BCKDHB: variants seen among roughly 807,000 people sequenced by gnomAD.
BCKDHB encodes branched chain keto acid dehydrogenase E1 subunit beta.
A neutral mutation model predicts 48.5 loss-of-function variants in BCKDHB; 41 were observed. The ratio of observed to expected loss-of-function variants is 0.85; its 90% CI spans 0.66 to 1.10. BCKDHB has a LOEUF of 1.10. Among genes scored for constraint, BCKDHB ranks in the 50% least tolerant of loss-of-function variants. The pLI is 0.00. For synonymous variants in BCKDHB, 201 were observed against 174.8 expected, an observed-to-expected ratio of 1.15 and a Z score of -1.18; for missense variants, 496 against 494.2, an observed-to-expected ratio of 1.00 and a Z score of -0.03.
chr6:80,197,095 T>C (rs900190592), intron 6 of BCKDHB, among the ~76,000 whole-genome samples: 1 of 152,188 alleles, frequency 6.6e-6, no homozygotes, highest in Non-Finnish European at 1.5e-5. Flanking sequence ...TATGACTCTG[T>C]GTGGTGCTCT....
chr6:80,440,483 A>C, the BCKDHB span, among the ~76,000 whole-genome samples: 3 of 152,150 alleles, frequency 2.0e-5, no homozygotes, highest in Admixed American at 6.6e-5. Context: ...TTGGTTTTTT[A>C]GAGAAGTTGT....
At chr6:80,212,939 T>A (rs1775006966) in intron 8 of BCKDHB, among the ~76,000 whole-genome samples, 1 of 152,230 alleles carries the variant, frequency 6.6e-6, no homozygotes, top group Non-Finnish European at 1.5e-5. Flanking sequence ...GTACTCTTGT[T>A]ATTTACATTG....
intron 3 of BCKDHB, among the ~76,000 whole-genome samples, chr6:80,151,804 C>T (rs138512518): frequency 5.9e-5 from 9 of 152,282 alleles, no homozygotes; most frequent in African/African-American, 1.9e-4. Context: ...TAAAGCTAGG[C>T]AGGTTAATTG....
At chr6:80,171,472 T>C in intron 6 of BCKDHB, 82 bp downstream of exon 6, 2 of 791,926 alleles carry the variant, frequency 2.5e-6, no homozygotes, top group Non-Finnish European at 4.0e-6. Context: ...ATCTTTTTTT[T>C]CTATATGGTT....
chr6:80,433,900 A>T, the BCKDHB span, among the ~76,000 whole-genome samples: 1 of 151,970 alleles, frequency 6.6e-6, no homozygotes, highest in Admixed American at 6.6e-5. Flanking sequence ...CATATTTGGA[A>T]ATTTTTTTGG....
At chr6:80,210,637 A>G (rs969864152) in intron 8 of BCKDHB, among the ~76,000 whole-genome samples, 12 of 152,166 alleles carry the variant, frequency 7.9e-5, no homozygotes, top group Non-Finnish European at 1.5e-5. Flanking sequence ...CATTTCCTTT[A>G]CTTCACATTG....
chr6:80,354,345 A>G, the BCKDHB span, among the ~76,000 whole-genome samples: 3 of 152,084 alleles, frequency 2.0e-5, no homozygotes, highest in Admixed American at 6.5e-5. Flanking sequence ...CTCCTGCCTC[A>G]GCCTCCCAAG....
the BCKDHB span, among the ~76,000 whole-genome samples, chr6:80,421,090 CA>C: frequency 6.6e-6 from 1 of 152,230 alleles, no homozygotes. Context: ...GTAATTCCCA[CA>C]AGTTGAGGGA....
At chr6:80,141,626 T>C (rs1026561277) in intron 3 of BCKDHB, among the ~76,000 whole-genome samples, 3 of 152,222 alleles carry the variant, frequency 2.0e-5, no homozygotes, top group Non-Finnish European at 4.4e-5. Flanking sequence ...TGAGCACCAA[T>C]AGGGGCTTGG....
intron 9 of BCKDHB, among the ~76,000 whole-genome samples, chr6:80,285,940 G>GTC (rs1292074196): frequency 1.3e-5 from 2 of 151,776 alleles, no homozygotes; most frequent in Admixed American, 1.3e-4. Flanking sequence ...GGATAAGTGT[G>GTC]TCTCTGTGTG....
intron 8 of BCKDHB, among the ~76,000 whole-genome samples, chr6:80,252,212 T>C (rs984523308): frequency 2.6e-5 from 4 of 152,180 alleles, no homozygotes; most frequent in Non-Finnish European, 4.4e-5. Context: ...GATTGCAAAG[T>C]CTATGCTGAA....
chr6:80,149,993 A>T (rs1771690855), intron 3 of BCKDHB, among the ~76,000 whole-genome samples: 2 of 151,166 alleles, frequency 1.3e-5, no homozygotes, highest in Non-Finnish European at 3.0e-5. Flanking sequence ...ATAAAAAAAA[A>T]TAGTAAAGTC....
the BCKDHB span, among the ~76,000 whole-genome samples, chr6:80,391,173 A>ATGTGTGTGTGTGTG: frequency 5.7e-5 from 1 of 17,668 alleles, no homozygotes; most frequent in African/African-American, 6.4e-5. Flanking sequence ...AAATGCATAT[A>ATGTGTGTGTGTGTG]TATATGTGTG....
intron 1 of BCKDHB, among the ~76,000 whole-genome samples, chr6:80,126,219 A>G (rs945208316): frequency 6.6e-6 from 1 of 152,134 alleles, no homozygotes; most frequent in Non-Finnish European, 1.5e-5. Context: ...CAAGACCTGA[A>G]CCCTGGGCAT....
the BCKDHB span, among the ~76,000 whole-genome samples, chr6:80,388,458 C>T: frequency 1.3e-5 from 2 of 152,150 alleles, no homozygotes; most frequent in Non-Finnish European, 2.9e-5. Context: ...AGAAACTGAA[C>T]ATTTGACTAT....
In BCKDHB at chr6:80,235,552, G is replaced by A. The variant is rs149020739; in HGVS notation, c.951+32340G>A. On this transcript the variant is annotated intron_variant, in intron 8 of 9. Transcript: ENST00000320393. ...TTATTTTTGAATTAGTGTCTGAGCT[G>A]GGACTAAAAATCTAGGTTAATCTGA... 5.1e-4 allele frequency among the ~76,000 whole-genome samples: 78 copies of A among 152,178 alleles called. No homozygotes were observed. The East Asian group carries it at 0.013, about 25-fold the overall frequency.
the BCKDHB span, among the ~76,000 whole-genome samples, chr6:80,463,587 T>C: frequency 3.9e-5 from 6 of 152,242 alleles, no homozygotes; most frequent in East Asian, 1.2e-3. Context: ...ATTTTCAATA[T>C]ACTTTTTTTT....
the BCKDHB span, among the ~76,000 whole-genome samples, chr6:80,430,110 CT>C: frequency 2.0e-5 from 3 of 152,194 alleles, no homozygotes; most frequent in Admixed American, 2.0e-4. Context: ...TTTTCTGCAT[CT>C]TTTGAGATAA....
chr6:80,359,760 A>G, the BCKDHB span, among the ~76,000 whole-genome samples: 1 of 151,838 alleles, frequency 6.6e-6, no homozygotes, highest in Admixed American at 6.6e-5. Context: ...ACGCCTGGCT[A>G]ATTTTTGTAT....
Sources: gnomAD v4.1 joint callset for allele counts (sites outside exome capture counted in the v4.1 genomes callset) on GRCh38, gnomAD v4.1.1 for gene constraint, MANE v1.5 for transcripts, NCBI Gene and HGNC (gene_info 2026-07-23, HGNC 2026-07-21) for gene names.